ARHGAP18: variants seen among roughly 807,000 people sequenced by gnomAD.
The protein encoded by ARHGAP18 is Rho GTPase activating protein 18.
ARHGAP18 carries 67 observed loss-of-function variants against 86.2 expected under a neutral mutation model. That is an observed-to-expected ratio of 0.78 (90% CI 0.64 to 0.95). The LOEUF (loss-of-function observed/expected upper bound fraction) is 0.95, where lower values mean the gene tolerates loss of function less well. ARHGAP18 is among the 40% of genes least tolerant of loss of function. The probability of loss-of-function intolerance (pLI) is 0.00; values close to 1 mark genes in which losing one functional copy is unlikely to be tolerated. For synonymous variants in ARHGAP18, 283 were observed against 280.4 expected, an observed-to-expected ratio of 1.01 and a Z score of -0.09; for missense variants, 691 against 780.4, an observed-to-expected ratio of 0.89 and a Z score of 1.37.
intron 8 of ARHGAP18, among the ~76,000 whole-genome samples, chr6:129,611,148 C>T (rs566740431): frequency 2.0e-4 from 30 of 152,274 alleles, no homozygotes; most frequent in Middle Eastern, 6.8e-3. Flanking sequence ...GCAATCCTCC[C>T]GCCTTGGCCT....
At chr6:129,686,177 C>G (rs1008336633) in intron 1 of ARHGAP18, among the ~76,000 whole-genome samples, 21 of 152,174 alleles carry the variant, frequency 1.4e-4, no homozygotes, top group African/African-American at 4.8e-4. Flanking sequence ...GATAAAGGTT[C>G]TTTTCCCAGC....
At chr6:129,680,864 G>A (rs1037890780) in intron 1 of ARHGAP18, among the ~76,000 whole-genome samples, 89 of 152,218 alleles carry the variant, frequency 5.8e-4, no homozygotes, top group African/African-American at 2.0e-3. Flanking sequence ...GGGCTCCAAG[G>A]AAAACAGTGA....
At chr6:129,621,367 G>A (rs912705116) in intron 5 of ARHGAP18, among the ~76,000 whole-genome samples, 6 of 152,146 alleles carry the variant, frequency 3.9e-5, no homozygotes, top group Admixed American at 1.3e-4. Context: ...TTAACCGTTC[G>A]TAATGTGTTT....
Position 129,587,462 on chromosome 6 carries a change from C to T in ARHGAP18, c.1714-3350G>A, listed in dbSNP as rs946283098. Among the ~76,000 whole-genome samples, 6 of 152,166 alleles carry T rather than the reference C, an allele frequency of 3.9e-5. No individual in the cohort carries two copies. The East Asian group carries it at 5.8e-4, about 15-fold the overall frequency. On this transcript the variant is annotated intron_variant, in intron 12 of 14. Transcript: ENST00000368149. Reference sequence around the variant, plus strand: ...AGAGCTGAATGTATTAGTCTCTTCTCGTGCTGCTATGAAGAAATACCCAAG... The same window carrying T: ...AGAGCTGAATGTATTAGTCTCTTCTTGTGCTGCTATGAAGAAATACCCAAG...
At chr6:129,694,611 T>C (rs2114549829) in intron 1 of ARHGAP18, among the ~76,000 whole-genome samples, 1 of 152,316 alleles carries the variant, frequency 6.6e-6, no homozygotes, top group Non-Finnish European at 1.5e-5. Context: ...CATGTTGGAA[T>C]ACAAAACGCT....
chr6:129,689,121 G>T lies in ARHGAP18; in HGVS notation c.113+20903C>A, dbSNP rs1358950081. ...GAAATTTCTGGAGGAATAAATGGGT[G>T]CTGCCACTAATGATCATCTCTGAGG... On this transcript the variant is annotated intron_variant, in intron 1 of 14. Transcript: ENST00000368149. Among the ~76,000 whole-genome samples, 7 of 152,214 alleles carry T rather than the reference G, an allele frequency of 4.6e-5. 1 individual carries two copies. The South Asian group carries it at 6.2e-4, about 14-fold the overall frequency.
chr6:129,619,585 G>A (rs1436042092), intron 5 of ARHGAP18, among the ~76,000 whole-genome samples: 1 of 116,458 alleles, frequency 8.6e-6, no homozygotes, highest in Non-Finnish European at 1.8e-5. Flanking sequence ...GGAAAAGGAA[G>A]GGGAGCAGGG....
intron 1 of ARHGAP18, among the ~76,000 whole-genome samples, chr6:129,705,308 T>C (rs1774785734): frequency 6.6e-6 from 1 of 152,218 alleles, no homozygotes; most frequent in African/African-American, 2.4e-5. Flanking sequence ...CCATTTGGCA[T>C]GCTGGGCAGT....
Position 129,599,221 on chromosome 6 carries a change from T to C in ARHGAP18, c.1708A>G (p.Asn570Asp), listed in dbSNP as rs201000981. The stretch of plus-strand genomic sequence containing the variant: ...TATCTCCACTATTTTCTTACATCAT[T>C]TGTACTCTTATCTTGCTTTTCATAT... Reference protein sequence around the residue: ...EKYEKQDKSTNDADVPQGVIR... With the variant: ...EKYEKQDKSTDDADVPQGVIR... The change falls in exon 12 of 15, where the codon AAT becomes GAT. Residue 570 changes from asparagine (N) to aspartate (D), a missense_variant. Physicochemically the swap from Asn to Asp is conservative, Grantham distance 23. Transcript: ENST00000368149. 3.2e-5 allele frequency: 50 copies of C among 1,561,728 alleles called. 1 individual carries two copies. The East Asian group carries it at 1.1e-3, about 35-fold the overall frequency.
intron 12 of ARHGAP18, among the ~76,000 whole-genome samples, chr6:129,597,972 T>C (rs1788651185): frequency 6.6e-6 from 1 of 152,170 alleles, no homozygotes; most frequent in African/African-American, 2.4e-5. Flanking sequence ...CTAAATATTA[T>C]TTAAAAGGTA....
chr6:129,634,256 C>G, intron 3 of ARHGAP18, 151 bp from the exon 4 acceptor site: 2 of 601,646 alleles, frequency 3.3e-6, no homozygotes, highest in Admixed American at 3.0e-5. Flanking sequence ...AGATAATAAT[C>G]AACAAGCAAT....
In ARHGAP18 at chr6:129,654,057, C is replaced by A. The variant is rs544393898; in HGVS notation, c.114-12039G>T. 4.6e-5 allele frequency among the ~76,000 whole-genome samples: 7 copies of A among 152,166 alleles called. No individual in the cohort carries two copies. In the East Asian group the frequency reaches 1.4e-3, roughly 29 times the overall value. ...GACCCTGTCTGGAAAAACATACACACACACACCTCACAAAAACAAGCATTT... is the reference window on the plus strand; with the variant it reads ...GACCCTGTCTGGAAAAACATACACAAACACACCTCACAAAAACAAGCATTT... On this transcript the variant is annotated intron_variant, in intron 1 of 14. Coordinates refer to ENST00000368149, the MANE Select transcript of ARHGAP18 (RefSeq NM_033515.3).
intron 1 of ARHGAP18, among the ~76,000 whole-genome samples, chr6:129,678,712 T>C (rs1774275922): frequency 6.6e-6 from 1 of 152,242 alleles, no homozygotes; most frequent in Admixed American, 6.5e-5. Context: ...ATCTGGAGTG[T>C]GATCTGAGCT....
In ARHGAP18 at chr6:129,641,990, G is replaced by T. The variant is rs1773477288; in HGVS notation, c.142C>A (p.Gln48Lys). 6.2e-7 allele frequency: 1 copy of T among 1,613,886 alleles called. No homozygotes were observed. The highest frequency in any genetic ancestry group is 8.5e-7 in the Non-Finnish European group (1 of 1,179,900). The change falls in exon 2 of 15, where the codon CAG (glutamine) becomes AAG (lysine). Residue 48 changes from glutamine (Q) to lysine (K), a missense_variant. Physicochemically the swap from Gln to Lys is moderately conservative, Grantham distance 53. Transcript: ENST00000368149. ...SRRYGQYTMN[Q>K]ESTTIKVMEK... ...ATAACTTTGATGGTGGTGCTTTCCT[G>T]GTTCATAGTGTACTGGCCATATCTG... is the stretch of plus-strand genomic sequence containing the variant.
chr6:129,690,242 C>T (rs1222206525), intron 1 of ARHGAP18, among the ~76,000 whole-genome samples: 2 of 151,896 alleles, frequency 1.3e-5, no homozygotes, highest in African/African-American at 4.8e-5. Flanking sequence ...ACATGCAGTG[C>T]CTAAAGTGTA....
chr6:129,591,496 T>C (rs1175818148), intron 12 of ARHGAP18, among the ~76,000 whole-genome samples: 1 of 152,226 alleles, frequency 6.6e-6, no homozygotes, highest in Non-Finnish European at 1.5e-5. Flanking sequence ...GCTAAGATTA[T>C]TAAAATAGAG....
At chr6:129,579,974 C>T in intron 14 of ARHGAP18, 96 bp downstream of exon 14, 1 of 1,048,484 alleles carries the variant, frequency 9.5e-7, no homozygotes, top group African/African-American at 1.6e-5. Flanking sequence ...GTATATTTTA[C>T]TTCTAATTTC....
chr6:129,601,724 T>A (rs1382446420), intron 10 of ARHGAP18, among the ~76,000 whole-genome samples: 1 of 151,098 alleles, frequency 6.6e-6, no homozygotes, highest in Non-Finnish European at 1.5e-5. Context: ...ACTCCTCGGC[T>A]CAAGTGATCC....
chr6:129,579,240 A>T (rs1277896180), intron 14 of ARHGAP18, among the ~76,000 whole-genome samples: 3 of 152,260 alleles, frequency 2.0e-5, no homozygotes, highest in African/African-American at 7.2e-5. Flanking sequence ...AAAATAAGAA[A>T]TCAAATCTAT....
Sources: allele counts gnomAD v4.1 joint callset (sites outside exome capture counted in the v4.1 genomes callset), GRCh38; gene constraint gnomAD v4.1.1; transcripts MANE v1.5; gene names NCBI Gene and HGNC (gene_info 2026-07-23, HGNC 2026-07-21).